The following ZNF467 variants were observed in gnomAD, a reference collection of about 807,000 sequenced individuals.
The protein encoded by ZNF467 is zinc finger protein 467.
ZNF467 carries 51 observed loss-of-function variants against 47.8 expected under a neutral mutation model. The ratio of observed to expected loss-of-function variants is 1.07; its 90% confidence interval spans 0.85 to 1.35. ZNF467 has a LOEUF of 1.35. ZNF467 is among the 40% of genes most tolerant of loss of function. The pLI, the probability that ZNF467 is intolerant of heterozygous loss-of-function variation, is 0.00. For synonymous variants in ZNF467, 416 were observed against 372.9 expected (o/e 1.12, Z -1.33); for missense variants, 992 against 858.1 (o/e 1.16, Z -1.95).
rs1364494186 is a variant in ZNF467, at chr7:149,764,476, T to G, written c.*238A>C. 6.6e-6 allele frequency: 5 copies of G among 757,746 alleles called. No homozygotes were observed. The Admixed American group carries it at 8.4e-5, about 13-fold the overall frequency. 46.9% of individuals were successfully genotyped at this position (757,746 alleles called of 1,614,324 possible). A position where few individuals can be genotyped will look rare whatever the true frequency, so the allele number is the denominator to read the frequency against. On this transcript the variant is annotated 3_prime_UTR_variant, in exon 5 of 5. Coordinates refer to ENST00000302017, the MANE Select transcript of ZNF467 (RefSeq NM_207336.3). ...TCTGCTTTCCAACGGGGCACCTGGG[T>G]GGGAGCCTTCCAAGAACTTCAGCTC... is the stretch of plus-strand genomic sequence containing the variant.
At position 149,765,506 on chromosome 7, in the gene ZNF467, G is replaced by T; in HGVS notation, c.996C>A (p.Pro332=). The T allele has an allele frequency of 6.3e-7, 1 of 1,582,196 alleles. No homozygotes were observed. The highest frequency in any genetic ancestry group is 1.3e-5 in the African/African-American group (1 of 74,714). Residue 332 remains proline, a synonymous_variant, in exon 5 of 5, where the codon CCC becomes CCA. Transcript: ENST00000302017. The stretch of plus-strand genomic sequence containing the variant: ...TGGAATGAGGAGAAGCGGACGAGTC[G>T]GGAGAGGGCCTGGCCGGGCCGGCCG... The part of the protein sequence containing the change: ...HQTAGPARPS[P]DSSASPHSTA...
At chr7:149,771,131 C>G (rs1377668549) in intron 1 of ZNF467, 57 bp from the exon 2 acceptor site, 15 of 1,473,358 alleles carry the variant, frequency 1.0e-5, no homozygotes, top group Non-Finnish European at 1.3e-5. Flanking sequence ...CCACCTGGGC[C>G]CTGGCTCTGC....
chr7:149,767,627 T>C (rs1003141688), intron 4 of ZNF467, among the ~76,000 whole-genome samples: 19 of 152,158 alleles, frequency 1.2e-4, no homozygotes, highest in African/African-American at 3.6e-4. Flanking sequence ...TAATGACTCA[T>C]TGCAGCCTCA....
At chr7:149,768,383 C>G (rs145697285) in intron 4 of ZNF467, among the ~76,000 whole-genome samples, 4 of 152,360 alleles carry the variant, frequency 2.6e-5, no homozygotes, top group African/African-American at 9.6e-5. Flanking sequence ...CAAACCTTCA[C>G]AAACCGAAGC....
At chr7:149,775,450 C>G (rs929634399), upstream of ZNF467, among the ~76,000 whole-genome samples, 1 of 152,192 alleles carries the variant, frequency 6.6e-6, no homozygotes, top group African/African-American at 2.4e-5. Context: ...GCTGGAAGAC[C>G]CCATCAGTCG....
Position 149,765,012 on chromosome 7 carries a change from C to T in ZNF467, c.1490G>A (p.Ser497Asn), listed in dbSNP as rs761915425. 3.8e-6 allele frequency: 6 copies of T among 1,582,444 alleles called. No homozygotes were observed. Among genetic ancestry groups the T allele is most frequent in the East Asian group, 2.3e-5 (1 of 44,038 alleles). The stretch of plus-strand genomic sequence containing the variant: ...GTGGCGGCCCAGGTGCGACTTGCGG[C>T]TGAAGCGGCGGCCGCACTGAGCGCA... ...FACAQCGRRF[S>N]RKSHLGRHQA... The change falls in exon 5 of 5, where the codon AGC becomes AAC. Residue 497 changes from serine (S) to asparagine (N), a missense_variant. Physicochemically the swap from Ser to Asn is conservative, Grantham distance 46. Coordinates refer to ENST00000302017, the MANE Select transcript of ZNF467 (RefSeq NM_207336.3).
chr7:149,764,306 CA>C lies in ZNF467; in HGVS notation c.*407del. 7.1e-6 allele frequency: 3 copies of C among 421,082 alleles called. No individual in the cohort carries two copies. The highest frequency in any genetic ancestry group is 8.3e-6 in the Non-Finnish European group (2 of 240,418). 26.1% of individuals were successfully genotyped at this position (421,082 alleles called of 1,614,324 possible). ...GGTCTGTGTGTGGATGGAGGTGGGA[CA>C]GTGGCTAAGGAGAGTCAGGTGTTCC... On this transcript the variant is annotated 3_prime_UTR_variant, in exon 5 of 5. Coordinates refer to ENST00000302017, the MANE Select transcript of ZNF467 (RefSeq NM_207336.3).
At chr7:149,775,133 A>T (rs1799539830), upstream of ZNF467, among the ~76,000 whole-genome samples, 1 of 151,882 alleles carries the variant, frequency 6.6e-6, no homozygotes, top group Non-Finnish European at 1.5e-5. Context: ...GGGCTGGGGG[A>T]GCTGGCTCCC....
chr7:149,769,248 G>GC lies in ZNF467; in HGVS notation c.152-49dup. ...AAGGACTCTGGAGACATCACAGATG[G>GC]CCAAAGGGCCCCACTGGTGCTGGGA... On this transcript the variant is annotated intron_variant, in intron 3 of 4. Coordinates refer to ENST00000302017, the MANE Select transcript of ZNF467 (RefSeq NM_207336.3). This position sits in a 1 kb window ranked among gnomAD's most constrained non-coding sequence, Gnocchi z 5.3. 2 of 1,480,098 alleles carry GC rather than the reference G, an allele frequency of 1.4e-6. No individual in the cohort carries two copies. Among genetic ancestry groups the GC allele is most frequent in the Non-Finnish European group, 1.8e-6 (2 of 1,101,880 alleles). 91.7% of individuals were successfully genotyped at this position (1,480,098 alleles called of 1,614,324 possible).
At chr7:149,771,340 A>T (rs114604450) in intron 1 of ZNF467, among the ~76,000 whole-genome samples, 10,114 of 152,078 alleles carry the variant, frequency 0.067, 1,107 homozygotes, top group African/African-American at 0.23. Context: ...GTCACCGCCA[A>T]CCCCGGCCCA....
intron 4 of ZNF467, among the ~76,000 whole-genome samples, chr7:149,768,783 ATTAGAC>A (rs1414517639): frequency 5.9e-5 from 9 of 152,222 alleles, no homozygotes; most frequent in East Asian, 1.9e-4. Flanking sequence ...GGCAACTGTA[ATTAGAC>A]TTAGACTGGG....
chr7:149,765,097 C>T lies in ZNF467; in HGVS notation c.1405G>A (p.Gly469Ser), dbSNP rs769758567. Reference sequence around the variant, plus strand: ...TGGGCGACCAGATTAGGCCGCGAGCCGAAGCGGCGGTCACACTGCGTGCAG... The same window carrying T: ...TGGGCGACCAGATTAGGCCGCGAGCTGAAGCGGCGGTCACACTGCGTGCAG... ...FACTQCDRRF[G>S]SRPNLVAHSR... is the part of the protein sequence containing the mutation. Residue 469 changes from glycine (G) to serine (S), a missense_variant, in exon 5 of 5, where the codon GGC (glycine) becomes AGC (serine). Gly to Ser is a moderately conservative substitution (Grantham distance 56). Coordinates refer to ENST00000302017, the MANE Select transcript of ZNF467 (RefSeq NM_207336.3). The T allele has an allele frequency of 6.8e-7, 1 of 1,467,112 alleles. No homozygotes were observed. The highest frequency in any genetic ancestry group is 1.3e-5 in the South Asian group (1 of 76,808). 90.9% of individuals were successfully genotyped at this position (1,467,112 alleles called of 1,614,324 possible).
chr7:149,764,584 A>T lies in ZNF467; in HGVS notation c.*130T>A. The T allele has an allele frequency of 6.7e-7, 1 of 1,497,114 alleles. No homozygotes were observed. The allele number at this position is 1,497,114 out of a possible 1,614,324, so 92.7% of individuals were successfully genotyped here. On this transcript the variant is annotated 3_prime_UTR_variant, in exon 5 of 5. Coordinates refer to ENST00000302017, the MANE Select transcript of ZNF467 (RefSeq NM_207336.3). ...GCTGTGCGGACGCAGACACTGCGGG[A>T]AGGAAACAGGTGTCCCGCGGCGGCC...
At chr7:149,771,598 C>A (rs1260675116) in intron 1 of ZNF467, among the ~76,000 whole-genome samples, 1 of 152,036 alleles carries the variant, frequency 6.6e-6, no homozygotes, top group African/African-American at 2.4e-5. Flanking sequence ...AGAAAATGAT[C>A]GCCTCTTCCT....
chr7:149,769,256 G>GC lies in ZNF467; in HGVS notation c.152-57dup, dbSNP rs1799316539. On this transcript the variant is annotated intron_variant, in intron 3 of 4. Coordinates refer to ENST00000302017, the MANE Select transcript of ZNF467 (RefSeq NM_207336.3). The surrounding 1 kb of genome is among the most constrained non-coding windows in gnomAD (Gnocchi z 5.3). Reference sequence around the variant, plus strand: ...TGGAGACATCACAGATGGCCAAAGGGCCCCACTGGTGCTGGGAAGCAGGAG... The same window carrying GC: ...TGGAGACATCACAGATGGCCAAAGGGCCCCCACTGGTGCTGGGAAGCAGGAG... 6.9e-7 allele frequency: 1 copy of GC among 1,454,340 alleles called. No homozygotes were observed. Among genetic ancestry groups the GC allele is most frequent in the Admixed American group, 2.4e-5 (1 of 42,206 alleles). 90.1% of individuals were successfully genotyped at this position (1,454,340 alleles called of 1,614,324 possible). A position where few individuals can be genotyped will look rare whatever the true frequency, so the allele number is the denominator to read the frequency against.
chr7:149,772,164 C>T (rs1360279206), intron 1 of ZNF467, among the ~76,000 whole-genome samples: 1 of 116,304 alleles, frequency 8.6e-6, no homozygotes, highest in Non-Finnish European at 1.8e-5. Flanking sequence ...CTCCCCCACC[C>T]CGGTTTCCCT....
intron 1 of ZNF467, among the ~76,000 whole-genome samples, chr7:149,771,330 G>C (rs865930): frequency 0.17 from 25,604 of 152,178 alleles, 3,901 homozygotes; most frequent in African/African-American, 0.41. Context: ...TGGCAGGTCT[G>C]TCACCGCCAA....
chr7:149,770,898 C>G, intron 2 of ZNF467, 101 bp downstream of exon 2: 1 of 1,514,410 alleles, frequency 6.6e-7, no homozygotes, highest in Non-Finnish European at 9.2e-7. Context: ...CCTGGGGCCT[C>G]AGGGTTGCAG....
chr7:149,773,778 G>C (rs1799502891), upstream of ZNF467, among the ~76,000 whole-genome samples: 1 of 151,724 alleles, frequency 6.6e-6, no homozygotes, highest in African/African-American at 2.4e-5. Flanking sequence ...CGGGAGGACG[G>C]CCCGGGGGGT....
Sources: allele counts gnomAD v4.1 joint callset (sites outside exome capture counted in the v4.1 genomes callset), GRCh38; gene constraint gnomAD v4.1.1; non-coding constraint Gnocchi (gnomAD v3.1); transcripts MANE v1.5; gene names NCBI Gene and HGNC (gene_info 2026-07-23, HGNC 2026-07-21).